Variants in GALNT13 observed in about 807,000 individuals in gnomAD.
The protein encoded by GALNT13 is UDP-GalNAc:polypeptide N-acetylgalactosaminyltransferase 13.
GALNT13 carries 28 observed loss-of-function variants against 64.2 expected under a neutral mutation model. The ratio of observed to expected loss-of-function variants is 0.44; its 90% CI spans 0.32 to 0.60. GALNT13 has a LOEUF of 0.60. Among genes scored for constraint, GALNT13 ranks in the 20% least tolerant of loss-of-function variants. The probability of loss-of-function intolerance (pLI) is 0.05; values close to 1 mark genes in which losing one functional copy is unlikely to be tolerated. For synonymous variants in GALNT13, 214 were observed against 224.6 expected (o/e 0.95, Z 0.42); for missense variants, 577 against 669.8 (o/e 0.86, Z 1.53).
chr2:153,942,691 T>TTTTATATA (rs1553457880), intron 2 of GALNT13, among the ~76,000 whole-genome samples: 1 of 150,344 alleles, frequency 6.7e-6, no homozygotes, highest in Non-Finnish European at 1.5e-5. Flanking sequence ...TATCTCTCCA[T>TTTTATATA]TATATATATA....
chr2:153,297,005 A>G, the GALNT13 span, among the ~76,000 whole-genome samples: 1 of 152,222 alleles, frequency 6.6e-6, no homozygotes, highest in South Asian at 2.1e-4. Context: ...TAAAAATAGA[A>G]TGGAAGAGAG....
At chr2:153,930,387 A>G (rs1690436953) in intron 2 of GALNT13, among the ~76,000 whole-genome samples, 3 of 152,098 alleles carry the variant, frequency 2.0e-5, no homozygotes, top group African/African-American at 7.2e-5. Context: ...TGGCATCTTC[A>G]TCATGAAATC....
the GALNT13 span, among the ~76,000 whole-genome samples, chr2:153,856,488 C>A: frequency 0.89 from 135,632 of 151,840 alleles, 61,348 homozygotes; most frequent in Middle Eastern, 0.95. Flanking sequence ...ACCATTTCAC[C>A]AAAGAGATTA....
At chr2:153,377,520 A>G in the GALNT13 span, among the ~76,000 whole-genome samples, 55,657 of 151,790 alleles carry the variant, frequency 0.37, 10,711 homozygotes, top group African/African-American at 0.43. Flanking sequence ...TAGTTTCTGA[A>G]CAAGCGAGTT....
At chr2:153,407,249 T>A in the GALNT13 span, among the ~76,000 whole-genome samples, 5 of 152,188 alleles carry the variant, frequency 3.3e-5, no homozygotes, top group South Asian at 1.0e-3. Flanking sequence ...ATTTGTGTTT[T>A]AATAAGAGTT....
At chr2:154,246,056 A>G in intron 7 of GALNT13, 74 bp downstream of exon 7, 5 of 986,318 alleles carry the variant, frequency 5.1e-6, no homozygotes, top group Non-Finnish European at 7.4e-6. Flanking sequence ...TTTCTGTTCT[A>G]ATGTTTAATT....
chr2:153,334,977 C>T, the GALNT13 span, among the ~76,000 whole-genome samples: 1 of 152,074 alleles, frequency 6.6e-6, no homozygotes, highest in Admixed American at 6.5e-5. Context: ...ATCATGGGGG[C>T]CAGTCTTTCC....
the GALNT13 span, among the ~76,000 whole-genome samples, chr2:153,508,833 A>G: frequency 9.9e-5 from 15 of 152,186 alleles, no homozygotes; most frequent in Non-Finnish European, 1.9e-4. Flanking sequence ...TGGGAGCTGC[A>G]TGGTAGTCCT....
chr2:153,839,716 A>G, the GALNT13 span, among the ~76,000 whole-genome samples: 2 of 151,924 alleles, frequency 1.3e-5, no homozygotes, highest in Non-Finnish European at 2.9e-5. Flanking sequence ...CTGTTTTGAA[A>G]TATACATTTG....
chr2:154,127,664 A>G (rs571649128), intron 3 of GALNT13, among the ~76,000 whole-genome samples: 3 of 149,976 alleles, frequency 2.0e-5, no homozygotes, highest in South Asian at 2.1e-4. Flanking sequence ...ATGGATATAT[A>G]TGGTCATACA....
intron 4 of GALNT13, among the ~76,000 whole-genome samples, chr2:154,174,697 A>T (rs1321733231): frequency 6.6e-6 from 1 of 152,128 alleles, no homozygotes; most frequent in Non-Finnish European, 1.5e-5. Context: ...GAAACTTGAC[A>T]TTTGGTTAAT....
intron 7 of GALNT13, among the ~76,000 whole-genome samples, chr2:154,258,195 A>G (rs897696787): frequency 1.3e-5 from 2 of 152,188 alleles, no homozygotes; most frequent in African/African-American, 2.4e-5. Context: ...AGACTTGTGT[A>G]GCTCACTCAT....
chr2:153,189,539 TG>T, the GALNT13 span, among the ~76,000 whole-genome samples: 1 of 152,166 alleles, frequency 6.6e-6, no homozygotes, highest in Non-Finnish European at 1.5e-5. Context: ...TTGGCAATTG[TG>T]AATAGTGTTA....
the GALNT13 span, among the ~76,000 whole-genome samples, chr2:153,575,417 T>C: frequency 6.6e-6 from 1 of 152,206 alleles, no homozygotes; most frequent in Non-Finnish European, 1.5e-5. Context: ...ACAATGAGAA[T>C]GTGTCACAGC....
chr2:153,678,500 G>A, the GALNT13 span, among the ~76,000 whole-genome samples: 1 of 151,966 alleles, frequency 6.6e-6, no homozygotes, highest in African/African-American at 2.4e-5. Context: ...ACACAAAGAA[G>A]GAAACAATAG....
chr2:153,468,958 C>G, the GALNT13 span, among the ~76,000 whole-genome samples: 1 of 152,038 alleles, frequency 6.6e-6, no homozygotes, highest in South Asian at 2.1e-4. Flanking sequence ...TGAGTAATAA[C>G]TGGATAATTA....
chr2:154,370,163 C>T (rs1052858430), intron 9 of GALNT13, among the ~76,000 whole-genome samples: 2 of 151,978 alleles, frequency 1.3e-5, no homozygotes, highest in Non-Finnish European at 2.9e-5. Flanking sequence ...AAGTCAGTCT[C>T]ATTGAAGATA....
chr2:153,943,605 C>T (rs972757703), intron 2 of GALNT13, among the ~76,000 whole-genome samples: 2 of 151,968 alleles, frequency 1.3e-5, no homozygotes, highest in South Asian at 4.1e-4. Context: ...AGTGATTCTC[C>T]TGCCTCAGCC....
chr2:153,485,192 G>T, the GALNT13 span, among the ~76,000 whole-genome samples: 1 of 152,082 alleles, frequency 6.6e-6, no homozygotes, highest in South Asian at 2.1e-4. Context: ...CATTCATATT[G>T]ATTTATAATG....
Sources: gnomAD v4.1 joint callset for allele counts (sites outside exome capture counted in the v4.1 genomes callset) on GRCh38, gnomAD v4.1.1 for gene constraint, MANE v1.5 for transcripts, NCBI Gene and HGNC (gene_info 2026-07-23, HGNC 2026-07-21) for gene names.